Variants in RPL35A observed in about 807,000 individuals in gnomAD.
The protein encoded by RPL35A is ribosomal protein L35a, also known as large ribosomal subunit protein eL33.
In RPL35A, 1 loss-of-function variant was observed where a neutral mutation model predicts 16.7. The observed-to-expected ratio is 0.06, with a 90% CI of 0.02 to 0.28. RPL35A has a LOEUF of 0.28. Among genes scored for constraint, RPL35A ranks in the 10% least tolerant of loss-of-function variants. RPL35A has a pLI of 1.00. For synonymous variants in RPL35A, 58 were observed against 47.0 expected (o/e 1.23, Z -0.96); for missense variants, 91 against 138.7 (o/e 0.66, Z 1.73).
chr3:197,951,415 T>C (rs1720070332), intron 3 of RPL35A, 104 bp downstream of exon 3: 1 of 1,274,828 alleles, frequency 7.8e-7, no homozygotes, highest in Admixed American at 1.7e-5. Flanking sequence ...ATGCAGTGAC[T>C]TGGTCTCCCT....
chr3:197,950,309 G>A, intron 1 of RPL35A, 88 bp downstream of exon 1: 2 of 1,229,460 alleles, frequency 1.6e-6, no homozygotes, highest in South Asian at 8.5e-5. Flanking sequence ...GGTGCGTATC[G>A]GAGTCTCTGC....
At chr3:197,952,162 G>GGTTT (rs1553810814) in intron 3 of RPL35A, among the ~76,000 whole-genome samples, 5 of 83,860 alleles carry the variant, frequency 6.0e-5, no homozygotes, top group African/African-American at 2.1e-4. Context: ...AAAATTATGG[G>GGTTT]TTTTTTTTTT....
intron 3 of RPL35A, among the ~76,000 whole-genome samples, chr3:197,952,344 A>G (rs1164198874): frequency 6.6e-6 from 1 of 150,720 alleles, no homozygotes; most frequent in Admixed American, 6.6e-5. Flanking sequence ...TAATTTTTGT[A>G]TATTTAGTAG....
At chr3:197,950,841 C>T in intron 1 of RPL35A, 95 bp from the exon 2 acceptor site, 1 of 1,134,496 alleles carries the variant, frequency 8.8e-7, no homozygotes, top group Non-Finnish European at 1.3e-6. Flanking sequence ...AAACTCCCAT[C>T]CAAAAGGAAT....
Position 197,955,763 on chromosome 3 carries a change from C to A in RPL35A, c.323C>A (p.Ser108Ter). The change falls in exon 5 of 5, where the codon TCA becomes TAA. Residue 108 changes from serine to a stop codon, truncating the protein, a stop_gained. Coordinates refer to ENST00000647248, the MANE Select transcript of RPL35A (RefSeq NM_000996.4). LOFTEE classifies it high-confidence loss of function. The stretch of plus-strand genomic sequence containing the variant: ...TTTTCCCTGCAGATGCTGTACCCCT[C>A]AAGGATTTAAACTAACGAAAAATCA... ...GHRIRVMLYP[S>*]RI The A allele has an allele frequency of 6.2e-7, 1 of 1,606,424 alleles. No individual in the cohort carries two copies. Among genetic ancestry groups the A allele is most frequent in the Non-Finnish European group, 8.5e-7 (1 of 1,174,778 alleles).
intron 4 of RPL35A, among the ~76,000 whole-genome samples, chr3:197,954,641 C>G (rs1242103693): frequency 2.0e-5 from 3 of 152,146 alleles, no homozygotes; most frequent in African/African-American, 7.2e-5. Flanking sequence ...TCCCGAGTAG[C>G]TGGAATTACA....
chr3:197,955,647 A>ATG, intron 4 of RPL35A, 103 bp from the exon 5 acceptor site: 1 of 1,028,716 alleles, frequency 9.7e-7, no homozygotes, highest in Non-Finnish European at 1.5e-6. Context: ...CCACTAGAAC[A>ATG]TGTAATTGGT....
At chr3:197,951,828 G>A (rs1392777094) in intron 3 of RPL35A, among the ~76,000 whole-genome samples, 1 of 151,972 alleles carries the variant, frequency 6.6e-6, no homozygotes, top group East Asian at 1.9e-4. Context: ...CTCCTGAGTA[G>A]CTGGGCTTAC....
At chr3:197,950,598 T>TA (rs1257192612) in intron 1 of RPL35A, 4 of 384,182 alleles carry the variant, frequency 1.0e-5, no homozygotes, top group African/African-American at 2.0e-5. Context: ...ATAAAAGTCT[T>TA]ACGTGTGTGT....
At chr3:197,950,290 C>A (rs1006922321) in intron 1 of RPL35A, 69 bp downstream of exon 1, 19 of 1,229,722 alleles carry the variant, frequency 1.5e-5, no homozygotes, top group Non-Finnish European at 1.9e-5. Flanking sequence ...TGTGCCTTGG[C>A]GAGTCGCCGG....
intron 3 of RPL35A, chr3:197,953,650 TAAAATGGCAG>T (rs1231235105): frequency 2.3e-6 from 1 of 437,806 alleles, no homozygotes; most frequent in Non-Finnish European, 4.5e-6. Flanking sequence ...CTTGGCTATT[TAAAATGGCAG>T]GTAATTCCTC....
intron 1 of RPL35A, 24 bp downstream of exon 1, chr3:197,950,245 A>G: frequency 8.9e-6 from 11 of 1,230,636 alleles, no homozygotes; most frequent in Non-Finnish European, 1.0e-5. Context: ...CTGCTGCTGA[A>G]ATTTGGGGGC....
At position 197,954,009 on chromosome 3, in the gene RPL35A, A is replaced by T; in HGVS notation, c.171A>T (p.Thr57=). 1 of 1,612,940 alleles carries T rather than the reference A, an allele frequency of 6.2e-7. No individual in the cohort carries two copies. The highest frequency in any genetic ancestry group is 1.1e-5 in the South Asian group (1 of 91,030). Residue 57 remains threonine (T), a synonymous_variant, in exon 4 of 5, where the codon ACA becomes ACT. Coordinates refer to ENST00000647248, the MANE Select transcript of RPL35A (RefSeq NM_000996.4). The part of the protein sequence containing the change: ...CAYVYKAKNN[T]VTPGGKPNKT... Reference sequence around the variant, plus strand: ...TTTCCCTTTTTAAAATCAGCAACACAGTCACTCCTGGCGGCAAACCAAACA... The same window carrying T: ...TTTCCCTTTTTAAAATCAGCAACACTGTCACTCCTGGCGGCAAACCAAACA...
At chr3:197,953,819 A>G in intron 3 of RPL35A, 184 bp from the exon 4 acceptor site, 1 of 654,248 alleles carries the variant, frequency 1.5e-6, no homozygotes, top group African/African-American at 1.8e-5. Context: ...TATTTTACAG[A>G]AGGGCCTGGC....
In RPL35A at chr3:197,951,331, A is replaced by G; in HGVS notation, c.164+20A>G. 6.2e-7 allele frequency: 1 copy of G among 1,613,560 alleles called. No homozygotes were observed. The highest frequency in any genetic ancestry group is 8.5e-7 in the Non-Finnish European group (1 of 1,179,530). On this transcript the variant is annotated intron_variant, in intron 3 of 4. Transcript: ENST00000647248. Reference sequence around the variant, plus strand: ...AAAGAAGTAAGTTTATGACACTGGTAGGTTTTGGGTTTTTGAGATCTGCCT... The same window carrying G: ...AAAGAAGTAAGTTTATGACACTGGTGGGTTTTGGGTTTTTGAGATCTGCCT...
In RPL35A at chr3:197,951,327, T is replaced by A. The variant is rs762245315; in HGVS notation, c.164+16T>A. The A allele has an allele frequency of 6.2e-7, 1 of 1,613,668 alleles. No individual in the cohort carries two copies. Among genetic ancestry groups the A allele is most frequent in the Non-Finnish European group, 8.5e-7 (1 of 1,179,590 alleles). On this transcript the variant is annotated intron_variant, in intron 3 of 4. Transcript: ENST00000647248. ...AAGCAAAGAAGTAAGTTTATGACAC[T>A]GGTAGGTTTTGGGTTTTTGAGATCT... is the stretch of plus-strand genomic sequence containing the variant.
intron 3 of RPL35A, chr3:197,951,629 A>G (rs1209129174): frequency 2.7e-6 from 1 of 363,990 alleles, no homozygotes; most frequent in African/African-American, 2.1e-5. Context: ...CTGAGATTAC[A>G]GGCTTGAGCC....
intron 4 of RPL35A, 117 bp from the exon 5 acceptor site, chr3:197,955,633 C>T (rs2109818570): frequency 2.1e-6 from 2 of 944,590 alleles, no homozygotes; most frequent in Non-Finnish European, 3.5e-6. Context: ...AAAAACTTTC[C>T]TTACCACTAG....
At chr3:197,954,581 C>T (rs752223726) in intron 4 of RPL35A, 22 of 263,566 alleles carry the variant, frequency 8.3e-5, no homozygotes, top group Non-Finnish European at 1.5e-4. Flanking sequence ...ATGATCTCAG[C>T]TTGCTGCTAC....
Sources: gnomAD v4.1 joint callset for allele counts (sites outside exome capture counted in the v4.1 genomes callset) on GRCh38, gnomAD v4.1.1 for gene constraint, MANE v1.5 for transcripts, NCBI Gene and HGNC (gene_info 2026-07-23, HGNC 2026-07-21) for gene names.